RASGRF2: variants seen among roughly 807,000 people sequenced by gnomAD.
RASGRF2 encodes the protein ras-specific guanine nucleotide-releasing factor 2.
In RASGRF2, 76 loss-of-function variants were observed where a neutral mutation model predicts 151.0. The observed-to-expected ratio is 0.50, with a 90% CI of 0.42 to 0.61. RASGRF2 has a LOEUF of 0.61. Ranked by LOEUF, RASGRF2 falls within the 20% of genes least tolerant of loss-of-function variation. The pLI, the probability that RASGRF2 is intolerant of heterozygous loss-of-function variation, is 0.00. For synonymous variants in RASGRF2, 504 were observed against 566.5 expected (o/e 0.89, Z 1.57); for missense variants, 1,148 against 1,564.6 (o/e 0.73, Z 4.49).
At chr5:81,078,265 A>G (rs1342687155) in intron 5 of RASGRF2, among the ~76,000 whole-genome samples, 2 of 152,166 alleles carry the variant, frequency 1.3e-5, no homozygotes, top group Non-Finnish European at 2.9e-5. Context: ...AACAGTCTAA[A>G]TCTTCTAGAT....
intron 17 of RASGRF2, among the ~76,000 whole-genome samples, chr5:81,128,431 G>T (rs1753528458): frequency 6.6e-6 from 1 of 152,262 alleles, no homozygotes; most frequent in East Asian, 1.9e-4. Context: ...ATAAGCAAAA[G>T]CTCCTTCAGG....
intron 18 of RASGRF2, among the ~76,000 whole-genome samples, chr5:81,189,832 C>T (rs1303589999): frequency 1.3e-5 from 2 of 151,762 alleles, no homozygotes; most frequent in African/African-American, 2.4e-5. Context: ...CTGCCTCAGC[C>T]TCCCAAGTAG....
At position 81,080,220 on chromosome 5, in the gene RASGRF2, G is replaced by A. The variant is rs1403554537; in HGVS notation, c.967+20G>A. Reference sequence around the variant, plus strand: ...TTTTAGGTAAGTGCATTCTTTAAAGGTGTAAGATTTTCTTTTAGAGTGGCT... The same window carrying A: ...TTTTAGGTAAGTGCATTCTTTAAAGATGTAAGATTTTCTTTTAGAGTGGCT... On this transcript the variant is annotated intron_variant, in intron 6 of 26. Transcript: ENST00000265080. 3 of 1,584,834 alleles carry A rather than the reference G, an allele frequency of 1.9e-6. No homozygotes were observed. Among genetic ancestry groups the A allele is most frequent in the African/African-American group, 1.4e-5 (1 of 72,762 alleles).
intron 15 of RASGRF2, among the ~76,000 whole-genome samples, chr5:81,121,967 A>C (rs1008444782): frequency 2.6e-5 from 4 of 152,174 alleles, no homozygotes; most frequent in African/African-American, 9.7e-5. Context: ...CTGTGGGCTG[A>C]AAGTGCTCCC....
chr5:81,088,538 G>C (rs530612971), intron 9 of RASGRF2: 1 of 152,090 alleles, frequency 6.6e-6, no homozygotes, highest in Non-Finnish European at 1.5e-5. Flanking sequence ...GAAAATGGGC[G>C]TTGAATTAAA....
chr5:81,209,262 G>A (rs554403909), intron 22 of RASGRF2, among the ~76,000 whole-genome samples: 4 of 151,950 alleles, frequency 2.6e-5, no homozygotes, highest in South Asian at 2.1e-4. Flanking sequence ...TTTCCCCAGC[G>A]GTAAGATTGG....
At chr5:81,144,327 G>A (rs34120) in intron 17 of RASGRF2, among the ~76,000 whole-genome samples, 96,774 of 152,034 alleles carry the variant, frequency 0.64, 31,070 homozygotes, top group East Asian at 0.81. Flanking sequence ...AGGGAGGAAG[G>A]GGCTTTCAAT....
intron 18 of RASGRF2, among the ~76,000 whole-genome samples, chr5:81,188,964 AAC>A (rs1755096064): frequency 6.6e-6 from 1 of 152,258 alleles, no homozygotes; most frequent in Non-Finnish European, 1.5e-5. Flanking sequence ...AGCACATGTC[AAC>A]ACTGCCAATG....
At chr5:81,106,947 C>T (rs1353200383) in intron 12 of RASGRF2, among the ~76,000 whole-genome samples, 3 of 152,142 alleles carry the variant, frequency 2.0e-5, no homozygotes, top group Non-Finnish European at 4.4e-5. Context: ...TGCAACCAGA[C>T]CAGCAGAGGA....
intron 24 of RASGRF2, among the ~76,000 whole-genome samples, chr5:81,216,595 G>T (rs1755745729): frequency 6.6e-6 from 1 of 152,148 alleles, no homozygotes; most frequent in South Asian, 2.1e-4. Flanking sequence ...CTAAATGACA[G>T]GTTTCATGCT....
At position 81,219,694 on chromosome 5, in the gene RASGRF2, T is replaced by C; in HGVS notation, c.3553-16T>C. On this transcript the variant is annotated splice_polypyrimidine_tract_variant and intron_variant, in intron 25 of 26. Transcript: ENST00000265080. Reference sequence around the variant, plus strand: ...CTTTTGTTGTTGTCATTTTGTTTTGTTTTTTTCTCTGTTAGATATCACACA... The same window carrying C: ...CTTTTGTTGTTGTCATTTTGTTTTGCTTTTTTCTCTGTTAGATATCACACA... 6 of 1,598,110 alleles carry C rather than the reference T, an allele frequency of 3.8e-6. No individual in the cohort carries two copies. The highest frequency in any genetic ancestry group is 4.3e-6 in the Non-Finnish European group (5 of 1,165,990).
chr5:81,192,888 CA>C (rs1219222725), intron 18 of RASGRF2, among the ~76,000 whole-genome samples: 6 of 152,152 alleles, frequency 3.9e-5, no homozygotes, highest in Admixed American at 1.3e-4. Context: ...CTTGTGTAGT[CA>C]AGACAGAAAA....
Position 80,960,660 on chromosome 5 carries a change from C to T in RASGRF2, c.-79C>T. 1 of 1,272,720 alleles carries T rather than the reference C, an allele frequency of 7.9e-7. No individual in the cohort carries two copies. Among genetic ancestry groups the T allele is most frequent in the African/African-American group, 1.5e-5 (1 of 64,704 alleles). 78.8% of individuals were successfully genotyped at this position (1,272,720 alleles called of 1,614,324 possible). On this transcript the variant is annotated 5_prime_UTR_variant, in exon 1 of 27. Transcript: ENST00000265080. This position sits in a 1 kb window ranked among gnomAD's most constrained non-coding sequence, Gnocchi z 5.5. ...CGGCCGGGACCTGAGCGGTCGCGCC[C>T]TCGAGGGAGCCAGCTGGGCCATGGC...
intron 1 of RASGRF2, among the ~76,000 whole-genome samples, chr5:81,038,066 A>G (rs897542349): frequency 6.6e-6 from 1 of 152,124 alleles, no homozygotes; most frequent in Non-Finnish European, 1.5e-5. Context: ...ATTCATTTTA[A>G]TTGCTTTATG....
In RASGRF2 at chr5:81,112,601, T is replaced by A; in HGVS notation, c.1839-9T>A. On this transcript the variant is annotated splice_polypyrimidine_tract_variant and intron_variant, in intron 13 of 26. Coordinates refer to ENST00000265080, the MANE Select transcript of RASGRF2 (RefSeq NM_006909.3). ...GGTTTTACCATCATGTTCCTGCCTTTGCACGTAGGTCTGATGCCCGTCTTC... is the reference window on the plus strand; with the variant it reads ...GGTTTTACCATCATGTTCCTGCCTTAGCACGTAGGTCTGATGCCCGTCTTC... The A allele has an allele frequency of 6.2e-7, 1 of 1,613,982 alleles. No homozygotes were observed. The highest frequency in any genetic ancestry group is 8.5e-7 in the Non-Finnish European group (1 of 1,179,836).
At chr5:81,029,831 C>T (rs556851521) in intron 1 of RASGRF2, among the ~76,000 whole-genome samples, 120 of 152,218 alleles carry the variant, frequency 7.9e-4, no homozygotes, top group Non-Finnish European at 1.5e-3. Flanking sequence ...AGGCTTCAGA[C>T]GACTGGTAAT....
At chr5:81,125,972 T>G (rs2112569975) in intron 16 of RASGRF2, among the ~76,000 whole-genome samples, 1 of 152,360 alleles carries the variant, frequency 6.6e-6, no homozygotes, top group East Asian at 1.9e-4. Flanking sequence ...ATGCAATAAG[T>G]CTGTTGTGGA....
In RASGRF2 at chr5:81,206,857, A is replaced by G; in HGVS notation, c.2919A>G (p.Gln973=). ...ATATCTTTTTCAGGGCCCTTTCACA[A>G]GATGACCAAGATGACATCCACCTAA... The part of the protein sequence containing the change: ...AAANILRALS[Q]DDQDDIHLKL... Residue 973 remains glutamine (Q), a synonymous_variant, in exon 20 of 27, where the codon CAA becomes CAG. Coordinates refer to ENST00000265080, the MANE Select transcript of RASGRF2 (RefSeq NM_006909.3). 2 of 1,610,558 alleles carry G rather than the reference A, an allele frequency of 1.2e-6. No individual in the cohort carries two copies. The highest frequency in any genetic ancestry group is 1.7e-6 in the Non-Finnish European group (2 of 1,176,676).
intron 17 of RASGRF2, among the ~76,000 whole-genome samples, chr5:81,178,393 GTTAT>G (rs995514352): frequency 3.3e-5 from 5 of 152,284 alleles, no homozygotes; most frequent in Middle Eastern, 3.4e-3. Flanking sequence ...AAGGCCATTG[GTTAT>G]TTATTTATTT....
Sources: allele counts gnomAD v4.1 joint callset (sites outside exome capture counted in the v4.1 genomes callset), GRCh38; gene constraint gnomAD v4.1.1; non-coding constraint Gnocchi (gnomAD v3.1); transcripts MANE v1.5; gene names NCBI Gene and HGNC (gene_info 2026-07-23, HGNC 2026-07-21).